KCNH7: variants seen among roughly 807,000 people sequenced by gnomAD.
The protein encoded by KCNH7 is potassium voltage-gated channel subfamily H member 7.
KCNH7 carries 49 observed loss-of-function variants against 120.8 expected under a neutral mutation model. That is an observed-to-expected ratio of 0.41 (90% CI 0.32 to 0.51). KCNH7 has a LOEUF of 0.51. KCNH7 is among the 20% of genes least tolerant of loss of function. The pLI is 0.38. For missense variants in KCNH7, 1,097 were observed against 1,446.6 expected (o/e 0.76, Z 3.92); for synonymous variants, 547 against 516.1 (o/e 1.06, Z -0.81).
intron 2 of KCNH7, among the ~76,000 whole-genome samples, chr2:162,593,575 G>A (rs1473183338): frequency 1.3e-5 from 2 of 151,946 alleles, no homozygotes; most frequent in Non-Finnish European, 2.9e-5. Context: ...TATTGAAGCT[G>A]GAATAGTGTA....
At position 162,755,010 on chromosome 2, in the gene KCNH7, A is replaced by G. The variant is rs183731636; in HGVS notation, c.307+81527T>C. Reference sequence around the variant, plus strand: ...ACAATAACACTCTTCCCAGAAATACAAAGCTTCCTACTTTATAGCATTTTT... The same window carrying G: ...ACAATAACACTCTTCCCAGAAATACGAAGCTTCCTACTTTATAGCATTTTT... On this transcript the variant is annotated intron_variant, in intron 2 of 15. Coordinates refer to ENST00000332142, the MANE Select transcript of KCNH7 (RefSeq NM_033272.4). 8.1e-3 allele frequency among the ~76,000 whole-genome samples: 1,199 copies of G among 147,286 alleles called. 20 individuals carry two copies. Among genetic ancestry groups the G allele is most frequent in the African/African-American group, 0.031 (1,131 of 37,032 alleles).
At chr2:162,438,245 A>G (rs1229761970) in intron 7 of KCNH7, among the ~76,000 whole-genome samples, 1 of 152,156 alleles carries the variant, frequency 6.6e-6, no homozygotes, top group East Asian at 1.9e-4. Flanking sequence ...ACGGTAGAGT[A>G]AAAATGATGT....
chr2:162,447,866 T>C (rs1488009004), intron 6 of KCNH7, among the ~76,000 whole-genome samples: 1 of 152,068 alleles, frequency 6.6e-6, no homozygotes, highest in Non-Finnish European at 1.5e-5. Flanking sequence ...TGAGACACAA[T>C]ATAACTTTTA....
chr2:162,656,302 T>C (rs1289921261), intron 2 of KCNH7, among the ~76,000 whole-genome samples: 2 of 152,156 alleles, frequency 1.3e-5, no homozygotes, highest in Non-Finnish European at 2.9e-5. Flanking sequence ...AAAAAGACTA[T>C]ATAGATCATA....
Position 162,400,434 on chromosome 2 carries a change from T to C in KCNH7, c.2162A>G (p.Lys721Arg), listed in dbSNP as rs1687035467. The change falls in exon 10 of 16, where the codon AAG (lysine) becomes AGG (arginine). Residue 721 changes from lysine (K) to arginine (R), a missense_variant. Physicochemically the swap from Lys to Arg is conservative, Grantham distance 26. Coordinates refer to ENST00000332142, the MANE Select transcript of KCNH7 (RefSeq NM_033272.4). ...TNGIDMNMVL[K>R]GFPECLQADI... ...TGCTTGTAAGCATTCTGGGAAACCCTTTAGGACCTGAGGAAAAAAAGAAAG... is the reference window on the plus strand; with the variant it reads ...TGCTTGTAAGCATTCTGGGAAACCCCTTAGGACCTGAGGAAAAAAAGAAAG... The C allele has an allele frequency of 6.2e-7, 1 of 1,611,566 alleles. No individual in the cohort carries two copies. Among genetic ancestry groups the C allele is most frequent in the African/African-American group, 1.3e-5 (1 of 74,828 alleles).
At chr2:162,373,717 G>A (rs1686050830) in intron 14 of KCNH7, 55 bp from the exon 15 acceptor site, 5 of 1,281,034 alleles carry the variant, frequency 3.9e-6, no homozygotes, top group Non-Finnish European at 5.1e-6. Flanking sequence ...AGAATTTCAG[G>A]AGCATTTAAA....
chr2:162,679,057 G>T (rs1574256304), intron 2 of KCNH7, among the ~76,000 whole-genome samples: 1 of 151,638 alleles, frequency 6.6e-6, no homozygotes, highest in Non-Finnish European at 1.5e-5. Flanking sequence ...GAAATAACAG[G>T]TCACAGGTGT....
chr2:162,752,192 T>C (rs150752056), intron 2 of KCNH7, among the ~76,000 whole-genome samples: 8 of 152,316 alleles, frequency 5.3e-5, no homozygotes, highest in African/African-American at 1.9e-4. Flanking sequence ...GGTCATACTT[T>C]GAAATTAGCC....
chr2:162,671,886 A>G (rs1685372699), intron 2 of KCNH7, among the ~76,000 whole-genome samples: 1 of 152,132 alleles, frequency 6.6e-6, no homozygotes, highest in Non-Finnish European at 1.5e-5. Flanking sequence ...CTGGAGATTA[A>G]TTGTTCAAAA....
chr2:162,753,417 G>A (rs923257078), intron 2 of KCNH7, among the ~76,000 whole-genome samples: 2 of 151,968 alleles, frequency 1.3e-5, no homozygotes, highest in African/African-American at 4.8e-5. Flanking sequence ...GATAGATTAC[G>A]AATTAGGACT....
chr2:162,518,887 G>A (rs1427273238), intron 3 of KCNH7, among the ~76,000 whole-genome samples: 1 of 149,742 alleles, frequency 6.7e-6, no homozygotes, highest in Non-Finnish European at 1.5e-5. Context: ...CTGATGCACA[G>A]AAGGACAAGT....
At chr2:162,608,176 C>G (rs1006112694) in intron 2 of KCNH7, among the ~76,000 whole-genome samples, 2 of 152,118 alleles carry the variant, frequency 1.3e-5, no homozygotes, top group Admixed American at 1.3e-4. Flanking sequence ...TCACCATATC[C>G]ACACACAGGG....
intron 2 of KCNH7, among the ~76,000 whole-genome samples, chr2:162,633,695 G>A (rs182913325): frequency 3.1e-3 from 463 of 151,440 alleles, no homozygotes; most frequent in African/African-American, 0.011. Flanking sequence ...TTTTACTAGG[G>A]GCCATTTTGA....
intron 2 of KCNH7, among the ~76,000 whole-genome samples, chr2:162,563,397 A>G (rs1693141298): frequency 6.6e-6 from 1 of 152,148 alleles, no homozygotes; most frequent in Admixed American, 6.5e-5. Flanking sequence ...TGATTAACAC[A>G]ATATAGGAAT....
intron 8 of KCNH7, among the ~76,000 whole-genome samples, chr2:162,434,319 A>T (rs1688167581): frequency 6.6e-6 from 1 of 152,106 alleles, no homozygotes; most frequent in Non-Finnish European, 1.5e-5. Context: ...TTCATACCCC[A>T]AACTTCAGCA....
chr2:162,641,553 T>TAA (rs35157175), intron 2 of KCNH7, among the ~76,000 whole-genome samples: 1 of 144,480 alleles, frequency 6.9e-6, no homozygotes, highest in African/African-American at 2.5e-5. Context: ...TCTCTGTATT[T>TAA]AAAAAAAAAA....
chr2:162,709,351 GA>G (rs748075906), intron 2 of KCNH7, among the ~76,000 whole-genome samples: 3 of 151,996 alleles, frequency 2.0e-5, no homozygotes, highest in Non-Finnish European at 4.4e-5. Flanking sequence ...TCTAGATCCA[GA>G]AGCTCATTCC....
intron 2 of KCNH7, among the ~76,000 whole-genome samples, chr2:162,563,742 T>C (rs1241230717): frequency 6.6e-6 from 1 of 152,160 alleles, no homozygotes; most frequent in Non-Finnish European, 1.5e-5. Context: ...TCCTACTAGA[T>C]ATTAAGAAGT....
At chr2:162,684,095 G>A (rs1039043792) in intron 2 of KCNH7, among the ~76,000 whole-genome samples, 48 of 152,140 alleles carry the variant, frequency 3.2e-4, no homozygotes, top group African/African-American at 1.0e-3. Context: ...ACAAGCAATG[G>A]GGAAAGGATT....
Sources: allele counts gnomAD v4.1 joint callset (sites outside exome capture counted in the v4.1 genomes callset), GRCh38; gene constraint gnomAD v4.1.1; transcripts MANE v1.5; gene names NCBI Gene and HGNC (gene_info 2026-07-23, HGNC 2026-07-21).